The following PTPRC variants were observed in gnomAD, a reference collection of about 807,000 sequenced individuals.
PTPRC encodes the protein receptor-type tyrosine-protein phosphatase C.
A neutral mutation model predicts 155.9 loss-of-function variants in PTPRC; 44 were observed. That is an observed-to-expected ratio of 0.28 (90% confidence interval 0.22 to 0.36). The LOEUF (loss-of-function observed/expected upper bound fraction) is 0.36, where lower values mean the gene tolerates loss of function less well. Among genes scored for constraint, PTPRC ranks in the 10% least tolerant of loss-of-function variants. The probability of loss-of-function intolerance (pLI) is 1.00; values close to 1 mark genes in which losing one functional copy is unlikely to be tolerated. For synonymous variants in PTPRC, 525 were observed against 533.1 expected (o/e 0.98, Z 0.21); for missense variants, 1,401 against 1,564.6 (o/e 0.90, Z 1.76).
At chr1:198,690,942 A>G (rs12124141) in intron 2 of PTPRC, among the ~76,000 whole-genome samples, 1,987 of 152,152 alleles carry the variant, frequency 0.013, 23 homozygotes, top group Non-Finnish European at 0.016. Context: ...AATCCAGTTG[A>G]CCCATGTTAA....
chr1:198,656,683 A>C (rs1193411877), intron 2 of PTPRC, among the ~76,000 whole-genome samples: 4 of 149,182 alleles, frequency 2.7e-5, no homozygotes, highest in African/African-American at 9.9e-5. Context: ...ACATTACTGC[A>C]AGTTCCCTGA....
intron 2 of PTPRC, among the ~76,000 whole-genome samples, chr1:198,660,425 A>G (rs1489087005): frequency 6.6e-6 from 1 of 152,046 alleles, no homozygotes; most frequent in Non-Finnish European, 1.5e-5. Flanking sequence ...AATTTTGAAT[A>G]TAAAGTTATA....
chr1:198,755,929 C>T lies in PTPRC; in HGVS notation c.3669C>T (p.Asp1223=), dbSNP rs754498162. Residue 1223 remains aspartate (D), a synonymous_variant, in exon 33 of 33, where the codon GAC becomes GAT. Coordinates refer to ENST00000442510, the MANE Select transcript of PTPRC (RefSeq NM_002838.5). ...STFEQYQFLY[D]VIASTYPAQN... is the part of the protein sequence containing the mutation. Reference sequence around the variant, plus strand: ...AGGAGCAATATCAATTCCTATATGACGTCATTGCCAGCACCTACCCTGCTC... The same window carrying T: ...AGGAGCAATATCAATTCCTATATGATGTCATTGCCAGCACCTACCCTGCTC... The T allele has an allele frequency of 4.2e-5, 67 of 1,611,502 alleles. 1 individual carries two copies. Among genetic ancestry groups the T allele is most frequent in the Admixed American group, 1.7e-4 (10 of 59,888 alleles).
At chr1:198,749,384 A>G (rs1261364861) in intron 27 of PTPRC, 32 bp from the exon 28 acceptor site, 7 of 1,594,720 alleles carry the variant, frequency 4.4e-6, no homozygotes, top group Non-Finnish European at 8.6e-7. Flanking sequence ...AATTTTTTCA[A>G]GGAAGACTTA....
chr1:198,680,790 G>A (rs1665276459), intron 2 of PTPRC, among the ~76,000 whole-genome samples: 1 of 152,158 alleles, frequency 6.6e-6, no homozygotes, highest in South Asian at 2.1e-4. Context: ...TTCAAGGACT[G>A]TGTACCGAAA....
intron 2 of PTPRC, among the ~76,000 whole-genome samples, chr1:198,690,563 A>T (rs960518268): frequency 2.0e-5 from 3 of 152,178 alleles, no homozygotes; most frequent in South Asian, 4.1e-4. Flanking sequence ...ATGATATAAA[A>T]ATATATATAT....
At chr1:198,748,317 G>T (rs1184756838) in intron 27 of PTPRC, 118 bp downstream of exon 27, 1 of 1,358,454 alleles carries the variant, frequency 7.4e-7, no homozygotes, top group South Asian at 1.4e-5. Context: ...ACATTTGGTT[G>T]TTAATAGGGA....
intron 2 of PTPRC, among the ~76,000 whole-genome samples, chr1:198,682,450 A>C (rs1156779783): frequency 6.6e-6 from 1 of 152,224 alleles, no homozygotes; most frequent in Middle Eastern, 3.4e-3. Context: ...TTAGTTCACA[A>C]AAAAAAGTAC....
intron 2 of PTPRC, among the ~76,000 whole-genome samples, chr1:198,641,027 A>T (rs1374352624): frequency 6.6e-6 from 1 of 152,038 alleles, no homozygotes; most frequent in Non-Finnish European, 1.5e-5. Flanking sequence ...CCTTTATATC[A>T]ACTTTGCTGA....
chr1:198,694,242 C>T, intron 3 of PTPRC: 3 of 1,254,094 alleles, frequency 2.4e-6, no homozygotes, highest in Non-Finnish European at 3.1e-6. Flanking sequence ...ACTCAGCAAG[C>T]TCACTTCTCC....
intron 15 of PTPRC, among the ~76,000 whole-genome samples, chr1:198,727,370 T>A (rs1254364024): frequency 2.0e-5 from 3 of 152,166 alleles, no homozygotes; most frequent in Non-Finnish European, 2.9e-5. Flanking sequence ...GAGAGTAAGT[T>A]CCATGAGGAC....
rs530904186 is a variant in PTPRC at position 198,675,769 on chromosome 1, A to T, written c.74-16578A>T. On this transcript the variant is annotated intron_variant, in intron 2 of 32. Coordinates refer to ENST00000442510, the MANE Select transcript of PTPRC (RefSeq NM_002838.5). ...CTGGAAGAGTTTCTCATTATAAAAG[A>T]AAGGCAAGCATCTTCTTCCTAATAT... Among the ~76,000 whole-genome samples the T allele has an allele frequency of 5.3e-5, 8 of 152,318 alleles. No individual in the cohort carries two copies. In the South Asian group the frequency reaches 1.7e-3, roughly 32 times the overall value.
rs115365240 is a variant in PTPRC, at chr1:198,748,182, A to G, written c.2921A>G (p.Asn974Ser). 93 of 1,607,656 alleles carry G rather than the reference A, an allele frequency of 5.8e-5. No individual in the cohort carries two copies. In the African/African-American group the frequency reaches 1.2e-3, roughly 20 times the overall value. The change falls in exon 27 of 33, where the codon AAT (asparagine) becomes AGT (serine). Residue 974 changes from asparagine to serine, a missense_variant. By Grantham distance (46) the Asn-to-Ser change is conservative. Coordinates refer to ENST00000442510, the MANE Select transcript of PTPRC (RefSeq NM_002838.5). ...GAAGAAAATAAAAGTAAAAACAGGA[A>G]TTCTAATGTCATCCCATGTATGTAG... The part of the protein sequence containing the change: ...NQEENKSKNR[N>S]SNVIPYDYNR...
intron 2 of PTPRC, among the ~76,000 whole-genome samples, chr1:198,687,866 A>C (rs1665718130): frequency 1.3e-5 from 2 of 152,086 alleles, no homozygotes; most frequent in South Asian, 2.1e-4. Flanking sequence ...TTAATTTAAA[A>C]TTTTTATTTT....
intron 32 of PTPRC, among the ~76,000 whole-genome samples, chr1:198,755,478 A>G (rs1655597385): frequency 6.6e-6 from 1 of 152,064 alleles, no homozygotes; most frequent in Non-Finnish European, 1.5e-5. Context: ...CAATGTAGTG[A>G]GTAAAATGAC....
intron 14 of PTPRC, among the ~76,000 whole-genome samples, chr1:198,719,999 G>A (rs550741478): frequency 2.0e-5 from 3 of 152,108 alleles, no homozygotes; most frequent in African/African-American, 2.4e-5. Flanking sequence ...GGATTTTATC[G>A]ATTTTTAGGG....
chr1:198,657,312 G>A (rs915301981), intron 2 of PTPRC, among the ~76,000 whole-genome samples: 7 of 151,146 alleles, frequency 4.6e-5, no homozygotes, highest in South Asian at 2.1e-4. Flanking sequence ...CAGATTACTC[G>A]TGCTTTCCAT....
At chr1:198,737,800 T>G (rs1012255860) in intron 23 of PTPRC, among the ~76,000 whole-genome samples, 1 of 151,868 alleles carries the variant, frequency 6.6e-6, no homozygotes, top group Non-Finnish European at 1.5e-5. Context: ...GAACATGGAA[T>G]AGCTTTCCAT....
chr1:198,719,447 C>G (rs1052281309), intron 14 of PTPRC, among the ~76,000 whole-genome samples: 42 of 152,264 alleles, frequency 2.8e-4, no homozygotes, highest in African/African-American at 8.2e-4. Flanking sequence ...TTCTTCACAG[C>G]ACTTTGTCTT....
Sources: gnomAD v4.1 joint callset for allele counts (sites outside exome capture counted in the v4.1 genomes callset) on GRCh38, gnomAD v4.1.1 for gene constraint, MANE v1.5 for transcripts, NCBI Gene and HGNC (gene_info 2026-07-23, HGNC 2026-07-21) for gene names.